The following HHAT variants were observed in gnomAD, a reference collection of about 807,000 sequenced individuals.
The protein encoded by HHAT is protein-cysteine N-palmitoyltransferase HHAT.
Under a neutral mutation model 70.8 loss-of-function variants are expected in HHAT, and 47 were observed. The ratio of observed to expected loss-of-function variants is 0.66; its 90% CI spans 0.53 to 0.85. The LOEUF (loss-of-function observed/expected upper bound fraction) is 0.85, where lower values mean the gene tolerates loss of function less well. Ranked by LOEUF, HHAT falls within the 40% of genes least tolerant of loss-of-function variation. The pLI is 0.00. For synonymous variants in HHAT, 228 were observed against 247.6 expected, an observed-to-expected ratio of 0.92 and a Z score of 0.74; for missense variants, 609 against 604.8, an observed-to-expected ratio of 1.01 and a Z score of -0.07.
intron 7 of HHAT, among the ~76,000 whole-genome samples, chr1:210,432,763 T>G (rs551090556): frequency 7.2e-4 from 109 of 151,890 alleles, no homozygotes; most frequent in Non-Finnish European, 1.3e-3. Flanking sequence ...ATGGCAAACA[T>G]CCCCTTTCTT....
intron 7 of HHAT, among the ~76,000 whole-genome samples, chr1:210,447,178 G>A (rs2093652587): frequency 6.6e-6 from 1 of 152,190 alleles, no homozygotes; most frequent in Non-Finnish European, 1.5e-5. Context: ...GAATCTCAGT[G>A]TACTTATCTG....
intron 4 of HHAT, among the ~76,000 whole-genome samples, chr1:210,393,351 A>G (rs1446305333): frequency 6.6e-6 from 1 of 152,172 alleles, no homozygotes; most frequent in Non-Finnish European, 1.5e-5. Context: ...ATCCATACCA[A>G]TGTTCCCATA....
intron 7 of HHAT, among the ~76,000 whole-genome samples, chr1:210,430,578 G>A (rs1316582474): frequency 1.3e-5 from 2 of 151,712 alleles, no homozygotes; most frequent in African/African-American, 2.4e-5. Context: ...AATTACATGA[G>A]CGTATTATTT....
At chr1:210,365,442 G>C (rs1165985441) in intron 3 of HHAT, among the ~76,000 whole-genome samples, 1 of 147,298 alleles carries the variant, frequency 6.8e-6, no homozygotes, top group African/African-American at 2.5e-5. Flanking sequence ...TCAGCTTCCT[G>C]AGTAGCTAGG....
chr1:210,393,069 G>A (rs890306692), intron 4 of HHAT, among the ~76,000 whole-genome samples: 1 of 152,140 alleles, frequency 6.6e-6, no homozygotes, highest in Admixed American at 6.5e-5. Flanking sequence ...CCACTCTCAA[G>A]CTGTGTAACC....
intron 11 of HHAT, among the ~76,000 whole-genome samples, chr1:210,656,200 T>C (rs765301848): frequency 2.0e-5 from 3 of 152,188 alleles, no homozygotes; most frequent in Admixed American, 6.5e-5. Context: ...CATGGTCTTT[T>C]TCTAGGCTAC....
chr1:210,463,541 AT>A (rs1222059132), intron 7 of HHAT, among the ~76,000 whole-genome samples: 3 of 152,178 alleles, frequency 2.0e-5, no homozygotes, highest in Non-Finnish European at 4.4e-5. Flanking sequence ...CTATCCATGC[AT>A]TTGTTGACAG....
Position 210,668,757 on chromosome 1 carries a change from A to T in HHAT, c.1391-5531A>T, listed in dbSNP as rs576414659. Among the ~76,000 whole-genome samples the T allele has an allele frequency of 1.5e-4, 23 of 152,092 alleles. No individual in the cohort carries two copies. In the East Asian group the frequency reaches 4.3e-3, roughly 28 times the overall value. On this transcript the variant is annotated intron_variant, in intron 11 of 11. Transcript: ENST00000261458. The stretch of plus-strand genomic sequence containing the variant: ...TTCCACAGTGGCTGTACCATTTCAT[A>T]TTACCTTTTATTTATTTATTTTTTT...
At chr1:210,404,394 C>T in intron 5 of HHAT, 70 bp from the exon 6 acceptor site, 2 of 1,225,320 alleles carry the variant, frequency 1.6e-6, no homozygotes, top group Admixed American at 3.8e-5. Context: ...TGCTGGCCAG[C>T]ACCTGCAGTG....
At chr1:210,452,577 A>G (rs1318364227) in intron 7 of HHAT, among the ~76,000 whole-genome samples, 1 of 152,238 alleles carries the variant, frequency 6.6e-6, no homozygotes, top group Non-Finnish European at 1.5e-5. Flanking sequence ...AAAAGATAAG[A>G]ACTGTTATAT....
At chr1:210,563,620 GCTCTCAGCAACTGTATGACAGATCCAA>G (rs1408736015) in intron 9 of HHAT, among the ~76,000 whole-genome samples, 1 of 152,178 alleles carries the variant, frequency 6.6e-6, no homozygotes. Context: ...ATTCAGTGGT[GCTCTCAGCAACTGTATGACAGATCCAA>G]CTCTCAGCAT....
At chr1:210,619,384 C>G (rs558660517) in intron 10 of HHAT, among the ~76,000 whole-genome samples, 529 of 152,290 alleles carry the variant, frequency 3.5e-3, no homozygotes, top group Non-Finnish European at 6.5e-3. Context: ...GGCTCCTCCT[C>G]ACTCTCCATG....
intron 11 of HHAT, among the ~76,000 whole-genome samples, chr1:210,627,214 G>A (rs1669984665): frequency 6.6e-6 from 1 of 152,134 alleles, no homozygotes; most frequent in Non-Finnish European, 1.5e-5. Flanking sequence ...GGGTATCTAG[G>A]AGATAGGGAT....
chr1:210,410,681 C>A (rs944291894), intron 6 of HHAT, among the ~76,000 whole-genome samples: 1 of 152,006 alleles, frequency 6.6e-6, no homozygotes, highest in Non-Finnish European at 1.5e-5. Context: ...CACCTGCCAC[C>A]ACGCCCAGCT....
chr1:210,438,647 T>C (rs2093434992), intron 7 of HHAT, among the ~76,000 whole-genome samples: 1 of 151,838 alleles, frequency 6.6e-6, no homozygotes, highest in Admixed American at 6.6e-5. Flanking sequence ...GGTCTTTAGG[T>C]CTGTGAACTG....
chr1:210,402,269 A>G (rs993599438), intron 5 of HHAT, among the ~76,000 whole-genome samples: 4 of 152,234 alleles, frequency 2.6e-5, no homozygotes, highest in African/African-American at 9.6e-5. Context: ...AGAGTTGCGC[A>G]GCTTGGAAAA....
At chr1:210,360,577 TG>T in intron 2 of HHAT, among the ~76,000 whole-genome samples, 1 of 152,158 alleles carries the variant, frequency 6.6e-6, no homozygotes, top group East Asian at 1.9e-4. Context: ...CCCAAAGTGC[TG>T]GGATTACAGG....
intron 7 of HHAT, among the ~76,000 whole-genome samples, chr1:210,452,943 A>G (rs147391543): frequency 6.6e-6 from 1 of 152,334 alleles, no homozygotes; most frequent in East Asian, 1.9e-4. Context: ...GAAAGACTTA[A>G]TTGTTCACTG....
chr1:210,458,037 A>G (rs1041843261), intron 7 of HHAT, among the ~76,000 whole-genome samples: 2 of 152,226 alleles, frequency 1.3e-5, no homozygotes, highest in Admixed American at 6.5e-5. Flanking sequence ...AATTGAAATC[A>G]TATAAGTAAA....
Sources: allele counts gnomAD v4.1 joint callset (sites outside exome capture counted in the v4.1 genomes callset), GRCh38; gene constraint gnomAD v4.1.1; transcripts MANE v1.5; gene names NCBI Gene and HGNC (gene_info 2026-07-23, HGNC 2026-07-21).